SLC13A3: variants seen among roughly 807,000 people sequenced by gnomAD.
The protein encoded by SLC13A3 is Na(+)/dicarboxylate cotransporter 3.
SLC13A3 carries 40 observed loss-of-function variants against 59.0 expected under a neutral mutation model. That is an observed-to-expected ratio of 0.68 (90% CI 0.53 to 0.88). SLC13A3 has a LOEUF of 0.88. Ranked by LOEUF, SLC13A3 falls within the 40% of genes least tolerant of loss-of-function variation. The pLI, the probability that SLC13A3 is intolerant of heterozygous loss-of-function variation, is 0.00. For synonymous variants in SLC13A3, 317 were observed against 330.3 expected, an observed-to-expected ratio of 0.96 and a Z score of 0.44; for missense variants, 699 against 783.2, an observed-to-expected ratio of 0.89 and a Z score of 1.28.
At chr20:46,564,475 A>G (rs2061962933) in intron 11 of SLC13A3, among the ~76,000 whole-genome samples, 1 of 152,236 alleles carries the variant, frequency 6.6e-6, no homozygotes. Flanking sequence ...TTTGATGATA[A>G]GCAAAGTTTA....
intron 1 of SLC13A3, chr20:46,681,902 C>T (rs2063155711): frequency 6.6e-6 from 1 of 152,168 alleles, no homozygotes; most frequent in Admixed American, 6.5e-5. Context: ...TCTATTAGTC[C>T]ACACGTGGAT....
Position 46,657,268 on chromosome 20 carries a change from G to C in SLC13A3, c.-31+12775C>G, listed in dbSNP as rs553672398. Among the ~76,000 whole-genome samples the C allele has an allele frequency of 1.0e-3, 155 of 152,082 alleles. 2 individuals are homozygous for C. Among genetic ancestry groups the C allele is most frequent in the African/African-American group, 3.6e-3 (150 of 41,484 alleles). ...CATGCTTGTAATCCCAGCTACTCAGGAGGCTGAGGCACGAAAATCATTTGA... is the reference window on the plus strand; with the variant it reads ...CATGCTTGTAATCCCAGCTACTCAGCAGGCTGAGGCACGAAAATCATTTGA... On this transcript the variant is annotated intron_variant, in intron 1 of 12. Transcript: ENST00000290317.
At chr20:46,620,913 C>G (rs1177449868) in intron 1 of SLC13A3, among the ~76,000 whole-genome samples, 2 of 152,100 alleles carry the variant, frequency 1.3e-5, no homozygotes, top group Admixed American at 6.5e-5. Flanking sequence ...GATCCTGAAG[C>G]ATTTCTTCTA....
chr20:46,629,383 T>C (rs1421081866), intron 1 of SLC13A3, among the ~76,000 whole-genome samples: 1 of 152,214 alleles, frequency 6.6e-6, no homozygotes, highest in Admixed American at 6.5e-5. Flanking sequence ...GTCTTGGTGT[T>C]GATGAGTGTC....
chr20:46,637,869 C>T (rs1168359734), intron 1 of SLC13A3, among the ~76,000 whole-genome samples: 2 of 152,168 alleles, frequency 1.3e-5, no homozygotes, highest in Non-Finnish European at 2.9e-5. Flanking sequence ...CCTCCTCCTC[C>T]ATCCCCCAGG....
intron 1 of SLC13A3, among the ~76,000 whole-genome samples, chr20:46,625,899 C>T (rs2062663782): frequency 6.6e-6 from 1 of 152,154 alleles, no homozygotes; most frequent in Non-Finnish European, 1.5e-5. Context: ...TTTATTTGTA[C>T]ATTTTCCTGC....
intron 1 of SLC13A3, among the ~76,000 whole-genome samples, chr20:46,631,793 G>A (rs1323637862): frequency 6.6e-6 from 1 of 152,090 alleles, no homozygotes; most frequent in Non-Finnish European, 1.5e-5. Flanking sequence ...CGGGTGGAGA[G>A]AGAGAGAAAA....
In SLC13A3 at chr20:46,559,741, G is replaced by A. The variant is rs41283040; in HGVS notation, c.*281C>T. ...AGATTTGCTCACTGTTGATGACACT[G>A]GGCTGTCTTGTATCCTAATGATAAA... On this transcript the variant is annotated 3_prime_UTR_variant, in exon 13 of 13. Coordinates refer to ENST00000279027, the MANE Select transcript of SLC13A3 (RefSeq NM_022829.6). The A allele has an allele frequency of 5.2e-4, 194 of 370,284 alleles. No homozygotes were observed. The highest frequency in any genetic ancestry group is 8.1e-4 in the Non-Finnish European group (162 of 200,782). The allele number at this position is 370,284 out of a possible 1,614,324, so 22.9% of individuals were successfully genotyped here.
chr20:46,567,609 G>C (rs78144916), intron 10 of SLC13A3, among the ~76,000 whole-genome samples: 1 of 150,670 alleles, frequency 6.6e-6, no homozygotes, highest in Admixed American at 6.6e-5. Flanking sequence ...CTCCAGGGCA[G>C]AGACGGGTAG....
intron 3 of SLC13A3, among the ~76,000 whole-genome samples, chr20:46,608,278 A>C (rs748318251): frequency 1.3e-5 from 2 of 152,166 alleles, no homozygotes; most frequent in African/African-American, 4.8e-5. Context: ...AATTATATGA[A>C]ATTTTAATTT....
intron 1 of SLC13A3, among the ~76,000 whole-genome samples, chr20:46,683,839 C>T (rs543916512): frequency 6.6e-6 from 1 of 152,306 alleles, no homozygotes; most frequent in South Asian, 2.1e-4. Flanking sequence ...AGCATGCTCG[C>T]CACAGCTTCC....
At chr20:46,653,992 C>A (rs566853736), upstream of SLC13A3, among the ~76,000 whole-genome samples, 10 of 152,084 alleles carry the variant, frequency 6.6e-5, no homozygotes, top group South Asian at 2.1e-4. Flanking sequence ...GGTAATTCTG[C>A]GCTTTTTGAA....
chr20:46,624,659 T>C (rs921301606), intron 1 of SLC13A3, among the ~76,000 whole-genome samples: 5 of 152,224 alleles, frequency 3.3e-5, no homozygotes, highest in Non-Finnish European at 5.9e-5. Flanking sequence ...ATTTGGGATA[T>C]ACTTATAGTT....
intron 1 of SLC13A3, among the ~76,000 whole-genome samples, chr20:46,630,308 C>T (rs546164057): frequency 6.6e-5 from 10 of 152,344 alleles, no homozygotes; most frequent in South Asian, 2.1e-4. Flanking sequence ...TCATGACAAG[C>T]GTCTTGGAGC....
At chr20:46,595,965 T>C (rs2062307676) in intron 5 of SLC13A3, among the ~76,000 whole-genome samples, 192 bp downstream of exon 5, 1 of 152,212 alleles carries the variant, frequency 6.6e-6, no homozygotes, top group Non-Finnish European at 1.5e-5. Context: ...GCTTTTTCAC[T>C]TATTGCCTGT....
At chr20:46,565,469 A>T (rs1001048994) in intron 11 of SLC13A3, among the ~76,000 whole-genome samples, 1 of 151,380 alleles carries the variant, frequency 6.6e-6, no homozygotes, top group Non-Finnish European at 1.5e-5. Context: ...TTGCCCAGGC[A>T]CCTGCCACTA....
At chr20:46,570,293 C>A (rs1260565081) in intron 10 of SLC13A3, among the ~76,000 whole-genome samples, 1 of 152,234 alleles carries the variant, frequency 6.6e-6, no homozygotes, top group Non-Finnish European at 1.5e-5. Context: ...GCTGGGCACT[C>A]TTCTAAGTAA....
At chr20:46,666,013 G>A (rs1049309563) in intron 1 of SLC13A3, among the ~76,000 whole-genome samples, 12 of 152,330 alleles carry the variant, frequency 7.9e-5, no homozygotes, top group Non-Finnish European at 1.6e-4. Context: ...CAGCAGAGGT[G>A]GTAGGAAAGG....
chr20:46,571,138 T>C (rs1457860629), intron 10 of SLC13A3, among the ~76,000 whole-genome samples: 2 of 152,162 alleles, frequency 1.3e-5, no homozygotes, highest in Non-Finnish European at 2.9e-5. Context: ...TCACTCATTG[T>C]CACAAGAACA....
Sources: allele counts gnomAD v4.1 joint callset (sites outside exome capture counted in the v4.1 genomes callset), GRCh38; gene constraint gnomAD v4.1.1; transcripts MANE v1.5; gene names NCBI Gene and HGNC (gene_info 2026-07-23, HGNC 2026-07-21).